The following PDZRN4 variants were observed in gnomAD, a reference collection of about 807,000 sequenced individuals.
PDZRN4 encodes PDZ domain-containing RING finger protein 4.
A neutral mutation model predicts 99.0 loss-of-function variants in PDZRN4; 70 were observed. The ratio of observed to expected loss-of-function variants is 0.71; its 90% confidence interval spans 0.58 to 0.86. The LOEUF is 0.86. Among genes scored for constraint, PDZRN4 ranks in the 40% least tolerant of loss-of-function variants. The pLI is 0.00. For synonymous variants in PDZRN4, 551 were observed against 501.6 expected (o/e 1.10, Z -1.32); for missense variants, 1,474 against 1,331.2 (o/e 1.11, Z -1.67).
intron 3 of PDZRN4, among the ~76,000 whole-genome samples, chr12:41,207,907 G>A (rs954416634): frequency 6.6e-6 from 1 of 151,400 alleles, no homozygotes; most frequent in African/African-American, 2.4e-5. Context: ...TTTAAGCCAG[G>A]CAGTGAATTC....
chr12:41,407,606 C>G (rs765729093), intron 3 of PDZRN4, among the ~76,000 whole-genome samples: 1 of 151,874 alleles, frequency 6.6e-6, no homozygotes, highest in Non-Finnish European at 1.5e-5. Flanking sequence ...CTCGTGCCAG[C>G]TTAGGAGTGT....
At chr12:41,566,681 G>A (rs1398309031) in intron 8 of PDZRN4, among the ~76,000 whole-genome samples, 1 of 152,118 alleles carries the variant, frequency 6.6e-6, no homozygotes, top group East Asian at 1.9e-4. Context: ...CTCTTTTGGT[G>A]CAGCTGAATG....
chr12:41,567,863 T>A lies in PDZRN4; in HGVS notation c.1548T>A (p.Asn516Lys). The change falls in exon 9 of 10, where the codon AAT becomes AAA. Residue 516 changes from asparagine (N) to lysine (K), a missense_variant. Physicochemically the swap from Asn to Lys is moderately conservative, Grantham distance 94. Coordinates refer to ENST00000402685, the MANE Select transcript of PDZRN4 (RefSeq NM_001164595.2). ...LNLEMLEEEHNEAMQPTANEV... is the reference protein window; with the variant it reads ...LNLEMLEEEHKEAMQPTANEV... ...TGGAGATGTTGGAAGAAGAGCATAA[T>A]GAAGCAATGCAGCCCACTGCCAATG... 5 of 1,613,106 alleles carry A rather than the reference T, an allele frequency of 3.1e-6. No homozygotes were observed. The highest frequency in any genetic ancestry group is 4.2e-6 in the Non-Finnish European group (5 of 1,179,302).
chr12:41,450,161 T>C (rs1952763191), intron 3 of PDZRN4, among the ~76,000 whole-genome samples: 1 of 152,216 alleles, frequency 6.6e-6, no homozygotes, highest in African/African-American at 2.4e-5. Flanking sequence ...AATTTAATAA[T>C]ATACTAAACA....
chr12:41,284,938 A>G (rs1951412563), intron 3 of PDZRN4, among the ~76,000 whole-genome samples: 1 of 152,212 alleles, frequency 6.6e-6, no homozygotes, highest in Admixed American at 6.5e-5. Context: ...CATTCAGGAC[A>G]TAGCATGGGC....
At chr12:41,454,077 T>A (rs1952798289) in intron 3 of PDZRN4, among the ~76,000 whole-genome samples, 1 of 151,690 alleles carries the variant, frequency 6.6e-6, no homozygotes, top group Admixed American at 6.6e-5. Context: ...AATGGCTCAT[T>A]TTATGCTCTG....
chr12:41,243,676 T>C (rs1372134675), intron 3 of PDZRN4, among the ~76,000 whole-genome samples: 2 of 152,192 alleles, frequency 1.3e-5, no homozygotes, highest in East Asian at 1.9e-4. Flanking sequence ...CATACTTTAA[T>C]TTGAGGTAAT....
chr12:41,304,691 G>T (rs1487231364), intron 3 of PDZRN4, among the ~76,000 whole-genome samples: 1 of 152,154 alleles, frequency 6.6e-6, no homozygotes. Flanking sequence ...ATAGGATATG[G>T]TTCCCTTTTT....
intron 3 of PDZRN4, among the ~76,000 whole-genome samples, chr12:41,497,960 A>C (rs1938038765): frequency 6.6e-6 from 1 of 152,072 alleles, no homozygotes; most frequent in African/African-American, 2.4e-5. Context: ...ACTAATAATA[A>C]ATATAACAAT....
intron 3 of PDZRN4, among the ~76,000 whole-genome samples, chr12:41,289,237 A>G (rs1048214808): frequency 6.6e-6 from 1 of 152,206 alleles, no homozygotes; most frequent in Non-Finnish European, 1.5e-5. Flanking sequence ...GAAAACAGTG[A>G]TTTGATGCAT....
intron 3 of PDZRN4, among the ~76,000 whole-genome samples, chr12:41,341,496 G>C (rs903627805): frequency 6.6e-6 from 1 of 151,774 alleles, no homozygotes; most frequent in Non-Finnish European, 1.5e-5. Context: ...CATGAATCCA[G>C]TAGTTATAAG....
At chr12:41,249,920 C>T (rs1439504498) in intron 3 of PDZRN4, among the ~76,000 whole-genome samples, 1 of 152,122 alleles carries the variant, frequency 6.6e-6, no homozygotes, top group East Asian at 1.9e-4. Flanking sequence ...TTAAATTTCC[C>T]CATGAAGTTT....
intron 3 of PDZRN4, among the ~76,000 whole-genome samples, chr12:41,305,291 A>G (rs1487648170): frequency 3.9e-5 from 6 of 152,216 alleles, no homozygotes; most frequent in African/African-American, 1.2e-4. Flanking sequence ...GATGGATGCC[A>G]TTAGTAAACC....
chr12:41,355,978 C>T (rs1951924631), intron 3 of PDZRN4, among the ~76,000 whole-genome samples: 1 of 151,842 alleles, frequency 6.6e-6, no homozygotes, highest in Admixed American at 6.6e-5. Context: ...AATATGAAAG[C>T]AAAAATTATA....
At chr12:41,423,485 T>C (rs1952509060) in intron 3 of PDZRN4, among the ~76,000 whole-genome samples, 1 of 152,170 alleles carries the variant, frequency 6.6e-6, no homozygotes, top group African/African-American at 2.4e-5. Context: ...TCATCCTTTT[T>C]TATGGCTGCA....
intron 3 of PDZRN4, among the ~76,000 whole-genome samples, chr12:41,240,544 A>G (rs1051225051): frequency 5.3e-5 from 8 of 152,222 alleles, no homozygotes; most frequent in African/African-American, 1.9e-4. Context: ...AAATCACTCA[A>G]ATTGGCTGCC....
chr12:41,225,575 A>G (rs112721722), intron 3 of PDZRN4, among the ~76,000 whole-genome samples: 3,340 of 152,238 alleles, frequency 0.022, 64 homozygotes, highest in Middle Eastern at 0.044. Flanking sequence ...AGGAGCACAA[A>G]TATTTTCCAC....
chr12:41,451,171 A>T (rs1056123894), intron 3 of PDZRN4, among the ~76,000 whole-genome samples: 2 of 61,640 alleles, frequency 3.2e-5, no homozygotes, highest in Non-Finnish European at 6.2e-5. Context: ...TGCAATTTAG[A>T]TTTAAAAAAA....
intron 3 of PDZRN4, among the ~76,000 whole-genome samples, chr12:41,438,619 AGCACT>A (rs1333876131): frequency 6.6e-6 from 1 of 152,196 alleles, no homozygotes; most frequent in Non-Finnish European, 1.5e-5. Context: ...TTGTTTGTTT[AGCACT>A]AGAAATTAAT....
Sources: gnomAD v4.1 joint callset for allele counts (sites outside exome capture counted in the v4.1 genomes callset) on GRCh38, gnomAD v4.1.1 for gene constraint, MANE v1.5 for transcripts, NCBI Gene and HGNC (gene_info 2026-07-23, HGNC 2026-07-21) for gene names.